VWF: variants seen among roughly 807,000 people sequenced by gnomAD.
VWF encodes the protein Factor VIII related antigen.
In VWF, 176 loss-of-function variants were observed where a neutral mutation model predicts 308.6. The observed-to-expected ratio is 0.57, with a 90% CI of 0.50 to 0.65. VWF has a LOEUF of 0.65. Ranked by LOEUF, VWF falls within the 30% of genes least tolerant of loss-of-function variation. The pLI is 0.00. For synonymous variants in VWF, 1,385 were observed against 1,443.4 expected (o/e 0.96, Z 0.92); for missense variants, 3,146 against 3,648.2 (o/e 0.86, Z 3.55).
In VWF at chr12:5,974,280, T is replaced by C. The variant is rs956744713; in HGVS notation, c.7437+1831A>G. ...GCCCAGCCTCCCACGTCCCCTGAGA[T>C]TTTAAACCATGAGGCTCCCTTCTCC... On this transcript the variant is annotated intron_variant, in intron 43 of 51. Transcript: ENST00000261405. 2.0e-5 allele frequency among the ~76,000 whole-genome samples: 3 copies of C among 152,106 alleles called. No homozygotes were observed. The South Asian group carries it at 6.2e-4, about 32-fold the overall frequency.
intron 32 of VWF, among the ~76,000 whole-genome samples, chr12:6,012,506 A>G (rs1346736390): frequency 6.6e-6 from 1 of 152,238 alleles, no homozygotes; most frequent in Non-Finnish European, 1.5e-5. Flanking sequence ...GAGAGCTGCC[A>G]TCTCTCTGTA....
At position 6,044,263 on chromosome 12, in the gene VWF, G is replaced by A. The variant is rs1341156289; in HGVS notation, c.2442+28C>T. 2.5e-6 allele frequency: 4 copies of A among 1,613,348 alleles called. No individual in the cohort carries two copies. The East Asian group carries it at 8.9e-5, about 36-fold the overall frequency. ...CTGCCTACAAGAAAACTGAAGGGCAGGCACCAGCTCTGTGCCTGGTGACTC... is the reference window on the plus strand; with the variant it reads ...CTGCCTACAAGAAAACTGAAGGGCAAGCACCAGCTCTGTGCCTGGTGACTC... On this transcript the variant is annotated intron_variant, in intron 18 of 51. Coordinates refer to ENST00000261405, the MANE Select transcript of VWF (RefSeq NM_000552.5).
intron 5 of VWF, among the ~76,000 whole-genome samples, chr12:6,103,516 A>C (rs1228419557): frequency 7.1e-6 from 1 of 140,500 alleles, no homozygotes; most frequent in African/African-American, 2.8e-5. Flanking sequence ...ATATATATAC[A>C]CACATATGTG....
intron 47 of VWF, among the ~76,000 whole-genome samples, chr12:5,960,369 C>A (rs755331289): frequency 6.6e-6 from 1 of 152,022 alleles, no homozygotes; most frequent in African/African-American, 2.4e-5. Context: ...ATATATAAAT[C>A]TTTTCCACAT....
rs748100548 is a variant in VWF, at chr12:6,052,792, G to C, written c.1946-9C>G. ...TTTCGGGCAGTTCAGCTCTAGAAGA[G>C]AGAGGAGAAGTAAGGCCTCAGCGGG... On this transcript the variant is annotated splice_polypyrimidine_tract_variant and intron_variant, in intron 15 of 51. Transcript: ENST00000261405. 1 of 1,491,980 alleles carries C rather than the reference G, an allele frequency of 6.7e-7. No homozygotes were observed. The allele number at this position is 1,491,980 out of a possible 1,614,324, so 92.4% of individuals were successfully genotyped here. A position where few individuals can be genotyped will look rare whatever the true frequency, so the allele number is the denominator to read the frequency against.
At chr12:6,076,585 G>A (rs1348481336) in intron 6 of VWF, among the ~76,000 whole-genome samples, 1 of 152,172 alleles carries the variant, frequency 6.6e-6, no homozygotes, top group Non-Finnish European at 1.5e-5. Context: ...TGACAAAGCT[G>A]CAAGTTCATG....
chr12:6,060,904 G>T lies in VWF; in HGVS notation c.1533+2050C>A, dbSNP rs1944648048. On this transcript the variant is annotated intron_variant, in intron 13 of 51. Transcript: ENST00000261405. This position sits in a 1 kb window ranked among gnomAD's most constrained non-coding sequence, Gnocchi z 5.1. ...TCTCTGTGAGGTGGGAAGATGCTGA[G>T]AAAGTGGACTGGCTGGCCGGGCGTG... is the stretch of plus-strand genomic sequence containing the variant. 6.6e-6 allele frequency among the ~76,000 whole-genome samples: 1 copy of T among 152,200 alleles called. No homozygotes were observed. Among genetic ancestry groups the T allele is most frequent in the Admixed American group, 6.5e-5 (1 of 15,272 alleles).
chr12:5,971,782 G>A (rs1035876826), intron 43 of VWF, 73 bp from the exon 44 acceptor site: 3 of 1,300,062 alleles, frequency 2.3e-6, no homozygotes, highest in South Asian at 2.4e-5. Context: ...TACGCCTCCT[G>A]CGTACTGAGC....
At chr12:5,955,116 A>C (rs1565807804) in intron 47 of VWF, among the ~76,000 whole-genome samples, 1 of 152,168 alleles carries the variant, frequency 6.6e-6, no homozygotes, top group South Asian at 2.1e-4. Flanking sequence ...GTAAAAAAAA[A>C]TTTCATGCAA....
intron 5 of VWF, among the ~76,000 whole-genome samples, chr12:6,098,864 C>T (rs1393307079): frequency 1.3e-5 from 2 of 152,104 alleles, no homozygotes; most frequent in Admixed American, 6.6e-5. Context: ...GTGTTGAAGT[C>T]GGGGCAAGGG....
intron 41 of VWF, among the ~76,000 whole-genome samples, chr12:5,982,513 G>C (rs186542171): frequency 6.6e-6 from 1 of 152,162 alleles, no homozygotes; most frequent in African/African-American, 2.4e-5. Context: ...ACCAAATCCT[G>C]TCCCTGTGTC....
chr12:6,071,323 C>A lies in VWF; in HGVS notation c.1130G>T (p.Trp377Leu), dbSNP rs1321160729. The A allele has an allele frequency of 6.2e-7, 1 of 1,614,066 alleles. No individual in the cohort carries two copies. The highest frequency in any genetic ancestry group is 8.5e-7 in the Non-Finnish European group (1 of 1,180,034). ...CNTCICRNSQWICSNEECPGE... is the reference protein window; with the variant it reads ...CNTCICRNSQLICSNEECPGE... The stretch of plus-strand genomic sequence containing the variant: ...TGGACATTCTTCATTGCTGCAGATC[C>A]ACTGGCTGTTTCGGCAAATGCTGTT... Residue 377 changes from tryptophan to leucine, a missense_variant, in exon 10 of 52, where the codon TGG becomes TTG. By Grantham distance (61) the Trp-to-Leu change is moderately conservative. This residue lies in a region of VWF where 1,304 missense variants were observed against 1,353.0 expected (regional missense o/e 0.96). Transcript: ENST00000261405.
At chr12:6,122,905 C>T in intron 2 of VWF, 1 of 749,400 alleles carries the variant, frequency 1.3e-6, no homozygotes, top group Admixed American at 1.7e-5. Flanking sequence ...TAGGACAGTT[C>T]TGTGCCACCT....
At position 6,062,940 on chromosome 12, in the gene VWF, G is replaced by A. The variant is rs759473260; in HGVS notation, c.1533+14C>T. The A allele has an allele frequency of 1.7e-5, 27 of 1,609,378 alleles. No homozygotes were observed. The highest frequency in any genetic ancestry group is 3.3e-5 in the Admixed American group (2 of 59,866). ...TCGGGCCGCAGGGAGCCAGTACCCC[G>A]TGAGGGCACCTACCTTCACCAGCAG... On this transcript the variant is annotated intron_variant, in intron 13 of 51. Coordinates refer to ENST00000261405, the MANE Select transcript of VWF (RefSeq NM_000552.5).
At chr12:6,069,974 TG>T (rs1944763015) in intron 10 of VWF, among the ~76,000 whole-genome samples, 1 of 152,206 alleles carries the variant, frequency 6.6e-6, no homozygotes, top group African/African-American at 2.4e-5. Flanking sequence ...CCTAATCTGG[TG>T]GTTACAAACG....
intron 6 of VWF, among the ~76,000 whole-genome samples, chr12:6,091,489 T>A (rs1945034413): frequency 6.6e-6 from 1 of 152,186 alleles, no homozygotes. Context: ...TATTAAGACC[T>A]ATTATATACT....
intron 5 of VWF, chr12:6,095,920 C>G (rs1203331981): frequency 5.5e-6 from 2 of 365,146 alleles, no homozygotes; most frequent in Admixed American, 3.8e-5. Flanking sequence ...AATCCTCCCC[C>G]ATCAGCCTCC....
At position 5,981,817 on chromosome 12, in the gene VWF, CCA is replaced by C. The variant is rs1591841452; in HGVS notation, c.7254_7255del (p.Cys2418TrpfsTer56). 6.2e-7 allele frequency: 1 copy of C among 1,614,156 alleles called. No individual in the cohort carries two copies. Among genetic ancestry groups the C allele is most frequent in the Non-Finnish European group, 8.5e-7 (1 of 1,180,032 alleles). On this transcript the variant is annotated frameshift_variant, in exon 42 of 52. Transcript: ENST00000261405. LOFTEE classifies it high-confidence loss of function. ...GGGAAGGCAGGTGGTTGTGGTACAG[CCA>C]CAGTCATTGGTGGCAGTTGAGGCCA...
intron 16 of VWF, among the ~76,000 whole-genome samples, chr12:6,050,471 C>T (rs537612637): frequency 6.6e-6 from 1 of 152,336 alleles, no homozygotes; most frequent in African/African-American, 2.4e-5. Context: ...TGCTAAGAAC[C>T]TTCCAGGGGC....
Sources: allele counts gnomAD v4.1 joint callset (sites outside exome capture counted in the v4.1 genomes callset), GRCh38; gene constraint gnomAD v4.1.1; regional missense constraint gnomAD v4.1.1; non-coding constraint Gnocchi (gnomAD v3.1); transcripts MANE v1.5; gene names NCBI Gene and HGNC (gene_info 2026-07-23, HGNC 2026-07-21).